TTC29: variants seen among roughly 807,000 people sequenced by gnomAD.
TTC29 encodes the protein tetratricopeptide repeat protein 29.
TTC29 carries 49 observed loss-of-function variants against 58.1 expected under a neutral mutation model. That is an observed-to-expected ratio of 0.84 (90% CI 0.67 to 1.07). The LOEUF is 1.07. TTC29 is among the 50% of genes least tolerant of loss of function. The pLI, the probability that TTC29 is intolerant of heterozygous loss-of-function variation, is 0.00. For synonymous variants in TTC29, 209 were observed against 196.8 expected (o/e 1.06, Z -0.52); for missense variants, 582 against 555.6 (o/e 1.05, Z -0.48).
At chr4:146,746,027 C>T (rs1354608799) in intron 11 of TTC29, among the ~76,000 whole-genome samples, 1 of 152,180 alleles carries the variant, frequency 6.6e-6, no homozygotes, top group Non-Finnish European at 1.5e-5. Context: ...GGAGGCACAG[C>T]TAGTTTACTC....
chr4:146,766,902 T>C (rs1327608703), intron 11 of TTC29, among the ~76,000 whole-genome samples: 1 of 152,060 alleles, frequency 6.6e-6, no homozygotes, highest in Non-Finnish European at 1.5e-5. Flanking sequence ...AGTTGTCCAG[T>C]CCTTAAATTA....
intron 11 of TTC29, among the ~76,000 whole-genome samples, chr4:146,776,578 C>T (rs1000877996): frequency 6.6e-6 from 1 of 152,120 alleles, no homozygotes; most frequent in African/African-American, 2.4e-5. Flanking sequence ...TCTGCATGCT[C>T]CAACTATGGA....
chr4:146,806,925 C>G (rs549745459), intron 10 of TTC29, among the ~76,000 whole-genome samples: 1 of 152,184 alleles, frequency 6.6e-6, no homozygotes, highest in Non-Finnish European at 1.5e-5. Context: ...CCCAAATCAA[C>G]AGAATATACA....
chr4:146,809,666 C>T (rs1263769920), intron 10 of TTC29, among the ~76,000 whole-genome samples: 1 of 149,934 alleles, frequency 6.7e-6, no homozygotes, highest in African/African-American at 2.4e-5. Context: ...GAAAAAAAAG[C>T]TCATCATTAC....
Position 146,903,737 on chromosome 4 carries a change from G to A in TTC29, c.401-8C>T, listed in dbSNP as rs1203336992. 1 of 1,551,730 alleles carries A rather than the reference G, an allele frequency of 6.4e-7. No individual in the cohort carries two copies. Among genetic ancestry groups the A allele is most frequent in the Non-Finnish European group, 8.7e-7 (1 of 1,148,240 alleles). On this transcript the variant is annotated splice_polypyrimidine_tract_variant and splice_region_variant and intron_variant, in intron 5 of 12. Transcript: ENST00000325106. ...GTACATCTTCGAAGGATTCTTCAAA[G>A]AGAGAAAAGCACCATGAATGGCATT...
chr4:146,837,885 C>T (rs1267715333), intron 8 of TTC29, among the ~76,000 whole-genome samples: 1 of 151,722 alleles, frequency 6.6e-6, no homozygotes, highest in African/African-American at 2.4e-5. Flanking sequence ...TCATGGGAAC[C>T]AACTTAACCT....
intron 11 of TTC29, among the ~76,000 whole-genome samples, chr4:146,797,053 T>C (rs1299077243): frequency 2.6e-5 from 4 of 152,060 alleles, no homozygotes; most frequent in African/African-American, 9.7e-5. Context: ...ACCCAACAAC[T>C]AGGCAATGAG....
intron 11 of TTC29, 142 bp downstream of exon 11, chr4:146,803,315 C>G (rs1418605957): frequency 3.2e-6 from 2 of 629,284 alleles, no homozygotes; most frequent in East Asian, 5.6e-5. Flanking sequence ...TATATCCAAC[C>G]TTCATGTAGT....
chr4:146,788,846 G>A (rs1749233568), intron 11 of TTC29, among the ~76,000 whole-genome samples: 1 of 152,120 alleles, frequency 6.6e-6, no homozygotes, highest in Non-Finnish European at 1.5e-5. Context: ...TTTGGAAGGG[G>A]AAAGGAAAGC....
At chr4:146,760,351 G>T (rs1746789555) in intron 11 of TTC29, among the ~76,000 whole-genome samples, 1 of 151,956 alleles carries the variant, frequency 6.6e-6, no homozygotes, top group Non-Finnish European at 1.5e-5. Context: ...TTGTGAAAAT[G>T]ACCATAATGC....
chr4:146,860,918 T>C (rs1022152177), intron 8 of TTC29, among the ~76,000 whole-genome samples: 2 of 152,196 alleles, frequency 1.3e-5, no homozygotes, highest in African/African-American at 4.8e-5. Context: ...TATGTAAACA[T>C]AGAGATGGCT....
intron 11 of TTC29, among the ~76,000 whole-genome samples, chr4:146,720,158 CAT>C (rs1743252609): frequency 6.6e-6 from 1 of 151,998 alleles, no homozygotes; most frequent in Non-Finnish European, 1.5e-5. Context: ...ATACCATAAA[CAT>C]GTGTAGAAGA....
chr4:146,798,391 C>G (rs1749973037), intron 11 of TTC29, among the ~76,000 whole-genome samples: 2 of 152,016 alleles, frequency 1.3e-5, no homozygotes, highest in Admixed American at 1.3e-4. Context: ...TCAAGAGTGC[C>G]AACCAGGGAA....
At chr4:146,942,750 C>G in intron 2 of TTC29, 1 of 798,584 alleles carries the variant, frequency 1.3e-6, no homozygotes, top group Non-Finnish European at 1.9e-6. Flanking sequence ...ATTCCATCCT[C>G]TATAAATTTT....
At chr4:146,709,059 A>ATCATTC (rs1742293093) in intron 11 of TTC29, among the ~76,000 whole-genome samples, 1 of 152,150 alleles carries the variant, frequency 6.6e-6, no homozygotes, top group African/African-American at 2.4e-5. Context: ...TACAAACGGA[A>ATCATTC]TCATTCTCAG....
chr4:146,887,795 G>A (rs1732086498), intron 6 of TTC29, among the ~76,000 whole-genome samples: 1 of 151,932 alleles, frequency 6.6e-6, no homozygotes, highest in Admixed American at 6.6e-5. Context: ...ATCTCTTCTT[G>A]GACATCAATT....
chr4:146,724,618 A>G (rs1743633079), intron 11 of TTC29, among the ~76,000 whole-genome samples: 4 of 151,910 alleles, frequency 2.6e-5, no homozygotes. Context: ...AGTTCAAGCA[A>G]TACTCCTGCC....
chr4:146,767,337 A>G (rs537776478), intron 11 of TTC29, among the ~76,000 whole-genome samples: 1 of 152,038 alleles, frequency 6.6e-6, no homozygotes, highest in Admixed American at 6.6e-5. Flanking sequence ...GTTTTTGACA[A>G]CTGCTCTGGG....
intron 5 of TTC29, among the ~76,000 whole-genome samples, chr4:146,903,993 C>T (rs938522770): frequency 4.6e-5 from 7 of 152,062 alleles, no homozygotes; most frequent in African/African-American, 1.7e-4. Flanking sequence ...CTGGTTGAAA[C>T]AGGAGGCTTT....
Sources: gnomAD v4.1 joint callset for allele counts (sites outside exome capture counted in the v4.1 genomes callset) on GRCh38, gnomAD v4.1.1 for gene constraint, MANE v1.5 for transcripts, NCBI Gene and HGNC (gene_info 2026-07-23, HGNC 2026-07-21) for gene names.